P2RX7: variants seen among roughly 807,000 people sequenced by gnomAD.
P2RX7 encodes P2X purinoceptor 7.
In P2RX7, 62 loss-of-function variants were observed where a neutral mutation model predicts 71.6. That is an observed-to-expected ratio of 0.87 (90% CI 0.71 to 1.07). P2RX7 has a LOEUF of 1.07. Among genes scored for constraint, P2RX7 ranks in the 50% least tolerant of loss-of-function variants. The probability of loss-of-function intolerance (pLI) is 0.00; values close to 1 mark genes in which losing one functional copy is unlikely to be tolerated. For missense variants in P2RX7, 686 were observed against 748.5 expected (o/e 0.92, Z 0.97); for synonymous variants, 299 against 283.3 (o/e 1.06, Z -0.56).
At chr12:121,175,975 A>G (rs1883046216) in intron 9 of P2RX7, among the ~76,000 whole-genome samples, 1 of 152,054 alleles carries the variant, frequency 6.6e-6, no homozygotes. Flanking sequence ...CCATCTCTCT[A>G]TGAAGGTATC....
intron 1 of P2RX7, among the ~76,000 whole-genome samples, chr12:121,145,883 A>AG (rs927902376): frequency 4.6e-5 from 7 of 152,130 alleles, no homozygotes; most frequent in African/African-American, 1.4e-4. Context: ...TAAGCTGGGG[A>AG]GGGGAGGCAT....
intron 8 of P2RX7, among the ~76,000 whole-genome samples, 189 bp downstream of exon 8, chr12:121,167,813 A>G (rs1189400170): frequency 1.3e-5 from 2 of 150,308 alleles, no homozygotes; most frequent in Admixed American, 6.6e-5. Context: ...TTTATTTTTT[A>G]CTTATTTTTT....
In P2RX7 at chr12:121,185,083, C is replaced by G. The variant is rs1718106; in HGVS notation, c.*281C>G. Reference sequence around the variant, plus strand: ...CTGGGAGGCACAGCAAACTGTCCCCCAAAAAAAAAAAAGAGTCCTTACCAA... The same window carrying G: ...CTGGGAGGCACAGCAAACTGTCCCCGAAAAAAAAAAAAGAGTCCTTACCAA... On this transcript the variant is annotated 3_prime_UTR_variant, in exon 13 of 13. Transcript: ENST00000328963. 1 of 209,796 alleles carries G rather than the reference C, an allele frequency of 4.8e-6. No homozygotes were observed. The highest frequency in any genetic ancestry group is 2.3e-5 in the African/African-American group (1 of 42,626). 13.0% of individuals were successfully genotyped at this position (209,796 alleles called of 1,614,324 possible). A position where few individuals can be genotyped will look rare whatever the true frequency, so the allele number is the denominator to read the frequency against.
intron 11 of P2RX7, among the ~76,000 whole-genome samples, chr12:121,178,903 G>A (rs764379192): frequency 6.6e-6 from 1 of 150,836 alleles, no homozygotes; most frequent in African/African-American, 2.4e-5. Context: ...ATGATATATA[G>A]GTTAAAAAAA....
At chr12:121,178,322 A>T (rs993662781) in intron 11 of P2RX7, among the ~76,000 whole-genome samples, 2 of 152,226 alleles carry the variant, frequency 1.3e-5, no homozygotes, top group Non-Finnish European at 2.9e-5. Context: ...AATCCATAGA[A>T]AGGAATACCA....
chr12:121,162,838 A>T (rs1297158863), intron 5 of P2RX7, among the ~76,000 whole-genome samples: 1 of 152,070 alleles, frequency 6.6e-6, no homozygotes, highest in Non-Finnish European at 1.5e-5. Context: ...GTAGTGCCAC[A>T]GCAGGATCCC....
At chr12:121,168,356 C>T (rs1282926013) in intron 8 of P2RX7, among the ~76,000 whole-genome samples, 1 of 151,726 alleles carries the variant, frequency 6.6e-6, no homozygotes, top group East Asian at 1.9e-4. Flanking sequence ...CTCACTGCAA[C>T]CTCTGCCTCC....
chr12:121,171,533 G>A (rs926517820), intron 8 of P2RX7, among the ~76,000 whole-genome samples: 5 of 151,782 alleles, frequency 3.3e-5, no homozygotes, highest in African/African-American at 1.2e-4. Flanking sequence ...CCTAAATCCA[G>A]GATAATCTCA....
chr12:121,177,550 T>G, intron 11 of P2RX7, 104 bp downstream of exon 11: 2 of 1,131,700 alleles, frequency 1.8e-6, no homozygotes, highest in Non-Finnish European at 2.6e-6. Context: ...CATCCTGTAG[T>G]GGATACGTCG....
rs1225359826 is a variant in P2RX7, at chr12:121,187,524, G to T, written c.*2722G>T. 6.6e-6 allele frequency: 1 copy of T among 151,850 alleles called. No homozygotes were observed. The allele number at this position is 151,850 out of a possible 1,614,324, so 9.4% of individuals were successfully genotyped here. The stretch of plus-strand genomic sequence containing the variant: ...CTGGGCCTTTGTACCTTTGTTTTTG[G>T]TGCCTTATTCCTAGTATGTTTCTAT... On this transcript the variant is annotated 3_prime_UTR_variant, in exon 13 of 13. Coordinates refer to ENST00000328963, the MANE Select transcript of P2RX7 (RefSeq NM_002562.6).
intron 10 of P2RX7, 38 bp from the exon 11 acceptor site, chr12:121,177,259 G>A (rs1883310726): frequency 6.2e-7 from 1 of 1,614,132 alleles, no homozygotes; most frequent in South Asian, 1.1e-5. Flanking sequence ...TTTGGAGAAG[G>A]AAGTGACTAA....
intron 8 of P2RX7, among the ~76,000 whole-genome samples, chr12:121,172,052 G>A (rs939283854): frequency 4.6e-5 from 7 of 151,740 alleles, no homozygotes; most frequent in East Asian, 3.9e-4. Flanking sequence ...TAGTACAGAC[G>A]GGGTTTCACC....
chr12:121,149,008 G>A lies in P2RX7; in HGVS notation c.126-5777G>A. 1.9e-6 allele frequency: 1 copy of A among 530,564 alleles called. No homozygotes were observed. Among genetic ancestry groups the A allele is most frequent in the Non-Finnish European group, 3.7e-6 (1 of 268,042 alleles). 32.9% of individuals were successfully genotyped at this position (530,564 alleles called of 1,614,324 possible). A position where few individuals can be genotyped will look rare whatever the true frequency, so the allele number is the denominator to read the frequency against. ...TTACCTTTGCGCTGGAAGCCCAGGG[G>A]CTGTAAGACGGAGAGGAACTTTGCT... On this transcript the variant is annotated intron_variant, in intron 1 of 12. Transcript: ENST00000328963. This position sits in a 1 kb window ranked among gnomAD's most constrained non-coding sequence, Gnocchi z 4.7.
chr12:121,150,871 T>C (rs1464110947), intron 1 of P2RX7, among the ~76,000 whole-genome samples: 2 of 152,120 alleles, frequency 1.3e-5, no homozygotes, highest in Non-Finnish European at 2.9e-5. Context: ...ATCGCGCCAT[T>C]GCACTCCAGC....
intron 8 of P2RX7, among the ~76,000 whole-genome samples, chr12:121,170,331 C>T (rs751727490): frequency 2.5e-4 from 38 of 152,074 alleles, no homozygotes; most frequent in Admixed American, 2.0e-4. Flanking sequence ...GTCCTTCCAG[C>T]GACTGAGTTG....
At chr12:121,176,384 A>G (rs1049454547) in intron 9 of P2RX7, among the ~76,000 whole-genome samples, 5 of 152,224 alleles carry the variant, frequency 3.3e-5, no homozygotes, top group East Asian at 1.9e-4. Context: ...CATGTTATCT[A>G]TGTAAGACAG....
intron 9 of P2RX7, among the ~76,000 whole-genome samples, chr12:121,175,994 C>T (rs796862807): frequency 1.3e-5 from 2 of 152,236 alleles, no homozygotes; most frequent in South Asian, 2.1e-4. Flanking sequence ...TCAGGCAGCA[C>T]CTTCGATCTG....
chr12:121,182,889 T>C (rs933782440), intron 12 of P2RX7, among the ~76,000 whole-genome samples: 25 of 152,244 alleles, frequency 1.6e-4, no homozygotes, highest in Non-Finnish European at 3.4e-4. Flanking sequence ...AAAAATATTT[T>C]CTTTCTCACC....
chr12:121,155,443 C>T (rs961669505), intron 2 of P2RX7: 9 of 1,195,420 alleles, frequency 7.5e-6, no homozygotes, highest in African/African-American at 4.7e-5. Context: ...TGAGAGAAGG[C>T]GTGTGACTTC....
Sources: allele counts gnomAD v4.1 joint callset (sites outside exome capture counted in the v4.1 genomes callset), GRCh38; gene constraint gnomAD v4.1.1; non-coding constraint Gnocchi (gnomAD v3.1); transcripts MANE v1.5; gene names NCBI Gene and HGNC (gene_info 2026-07-23, HGNC 2026-07-21).